PCDHGA5: variants seen among roughly 807,000 people sequenced by gnomAD.
The protein encoded by PCDHGA5 is protocadherin gamma-A5.
Under a neutral mutation model 56.7 loss-of-function variants are expected in PCDHGA5, and 36 were observed. The observed-to-expected ratio is 0.64, with a 90% CI of 0.49 to 0.84. PCDHGA5 has a LOEUF of 0.84. Among genes scored for constraint, PCDHGA5 ranks in the 40% least tolerant of loss-of-function variants. PCDHGA5 has a pLI of 0.00. For synonymous variants in PCDHGA5, 563 were observed against 520.2 expected (o/e 1.08, Z -1.12); for missense variants, 1,305 against 1,201.5 (o/e 1.09, Z -1.27).
At chr5:141,412,815 A>G (rs2095578958) in intron 1 of PCDHGA5, among the ~76,000 whole-genome samples, 1 of 152,328 alleles carries the variant, frequency 6.6e-6, no homozygotes, top group Non-Finnish European at 1.5e-5. Flanking sequence ...AGAAACCTAC[A>G]TATAGTAAAT....
chr5:141,418,740 T>C, intron 1 of PCDHGA5: 1 of 1,613,972 alleles, frequency 6.2e-7, no homozygotes, highest in Admixed American at 1.7e-5. Context: ...GTGTTCTCTC[T>C]GGATTACACT....
Position 141,364,714 on chromosome 5 carries a change from T to C in PCDHGA5, c.384T>C (p.Asp128=). The part of the protein sequence containing the change: ...GVEVEIIDIN[D]NFPRFRDEEL... Reference sequence around the variant, plus strand: ...AAGTAGAAATAATCGATATTAATGATAACTTCCCGCGTTTCCGGGATGAAG... The same window carrying C: ...AAGTAGAAATAATCGATATTAATGACAACTTCCCGCGTTTCCGGGATGAAG... The change falls in exon 1 of 4, where the codon GAT becomes GAC. Residue 128 remains aspartate (D), a synonymous_variant. Transcript: ENST00000518069. 1 of 1,613,970 alleles carries C rather than the reference T, an allele frequency of 6.2e-7. No individual in the cohort carries two copies. The highest frequency in any genetic ancestry group is 1.1e-5 in the South Asian group (1 of 91,092).
At chr5:141,382,300 A>C (rs1428266380) in intron 1 of PCDHGA5, among the ~76,000 whole-genome samples, 1 of 152,240 alleles carries the variant, frequency 6.6e-6, no homozygotes, top group Non-Finnish European at 1.5e-5. Flanking sequence ...AATTAATTAA[A>C]ATTTATATAC....
intron 1 of PCDHGA5, chr5:141,375,053 G>T: frequency 1.2e-6 from 2 of 1,614,046 alleles, no homozygotes; most frequent in South Asian, 2.2e-5. Context: ...AGCCCGGGAT[G>T]GGCCAGGTCT....
chr5:141,490,033 A>C lies in PCDHGA5; in HGVS notation c.2422-4774A>C, dbSNP rs200482631. The C allele has an allele frequency of 4.0e-5, 65 of 1,614,116 alleles. No homozygotes were observed. Among genetic ancestry groups the C allele is most frequent in the Non-Finnish European group, 4.1e-5 (48 of 1,180,040 alleles). On this transcript the variant is annotated intron_variant, in intron 1 of 3. Transcript: ENST00000518069. This position sits in a 1 kb window ranked among gnomAD's most constrained non-coding sequence, Gnocchi z 5.4. ...CATTGGTACTCTGCTGCTCCGCCTC[A>C]ATGCCACTGATCCAGACGAGGGCAC...
At chr5:141,372,213 C>A (rs999187008) in intron 1 of PCDHGA5, 1 of 1,613,592 alleles carries the variant, frequency 6.2e-7, no homozygotes, top group Non-Finnish European at 8.5e-7. Flanking sequence ...GCTGTCCTAC[C>A]ACATTGTGCA....
chr5:141,496,126 C>T (rs934132550), intron 2 of PCDHGA5, among the ~76,000 whole-genome samples: 2 of 152,062 alleles, frequency 1.3e-5, no homozygotes, highest in African/African-American at 4.8e-5. Context: ...CCCTGCCCCT[C>T]ACACACTGAG....
At position 141,431,280 on chromosome 5, in the gene PCDHGA5, C is replaced by G; in HGVS notation, c.2422-63527C>G. ...TCTCTGCAGAGCTACGAGCTCAGCC[C>G]GAACACTCACTTCTCCCTCATCGTG... On this transcript the variant is annotated intron_variant, in intron 1 of 3. Transcript: ENST00000518069. This position sits in a 1 kb window ranked among gnomAD's most constrained non-coding sequence, Gnocchi z 4.8. The G allele has an allele frequency of 6.2e-7, 1 of 1,614,146 alleles. No homozygotes were observed. The highest frequency in any genetic ancestry group is 8.5e-7 in the Non-Finnish European group (1 of 1,180,040).
At chr5:141,449,000 T>G (rs1424736421) in intron 1 of PCDHGA5, among the ~76,000 whole-genome samples, 1 of 151,774 alleles carries the variant, frequency 6.6e-6, no homozygotes, top group African/African-American at 2.4e-5. Context: ...TAGAAAGCTG[T>G]TTTTTTTAAC....
chr5:141,374,208 G>T (rs777295061), intron 1 of PCDHGA5: 11 of 1,613,952 alleles, frequency 6.8e-6, no homozygotes, highest in South Asian at 3.3e-5. Flanking sequence ...CTGGAGAAAG[G>T]CTCCTTCGTA....
At chr5:141,458,513 G>GT (rs537551567) in intron 1 of PCDHGA5, among the ~76,000 whole-genome samples, 9,886 of 146,106 alleles carry the variant, frequency 0.068, 671 homozygotes, top group African/African-American at 0.18. Flanking sequence ...TTGACACTTT[G>GT]TTTTTTTTTT....
Position 141,432,244 on chromosome 5 carries a change from C to T in PCDHGA5, c.2422-62563C>T. 1 of 1,614,262 alleles carries T rather than the reference C, an allele frequency of 6.2e-7. No homozygotes were observed. Among genetic ancestry groups the T allele is most frequent in the Non-Finnish European group, 8.5e-7 (1 of 1,180,048 alleles). On this transcript the variant is annotated intron_variant, in intron 1 of 3. Coordinates refer to ENST00000518069, the MANE Select transcript of PCDHGA5 (RefSeq NM_018918.3). The surrounding 1 kb of genome is among the most constrained non-coding windows in gnomAD (Gnocchi z 6.0). ...TCACTTATTCCCTGGCTGAGAACAC[C>T]ATCCAAGGGGCAAGCCTATCGTCCT...
intron 1 of PCDHGA5, among the ~76,000 whole-genome samples, chr5:141,461,345 G>A (rs1277222105): frequency 1.3e-5 from 2 of 152,102 alleles, no homozygotes; most frequent in African/African-American, 4.8e-5. Context: ...CAGGACCAAG[G>A]TGGTAGCTCG....
rs532318617 is a variant in PCDHGA5, at chr5:141,384,539, C to T, written c.2421+17788C>T. On this transcript the variant is annotated intron_variant, in intron 1 of 3. Coordinates refer to ENST00000518069, the MANE Select transcript of PCDHGA5 (RefSeq NM_018918.3). ...GACCCGCCTCTCAGCAGCAACATGT[C>T]ACTGAGCCTGTTCGTGCTGGACCAG... 44 of 1,614,240 alleles carry T rather than the reference C, an allele frequency of 2.7e-5. No homozygotes were observed. The South Asian group carries it at 4.1e-4, about 15-fold the overall frequency.
chr5:141,482,891 G>A (rs1594277958), intron 1 of PCDHGA5, among the ~76,000 whole-genome samples: 2 of 152,168 alleles, frequency 1.3e-5, no homozygotes, highest in East Asian at 3.8e-4. Flanking sequence ...GGCCAACATG[G>A]TGAAACCTCA....
intron 1 of PCDHGA5, chr5:141,428,358 G>C: frequency 1.8e-6 from 1 of 565,492 alleles, no homozygotes; most frequent in South Asian, 1.9e-5. Context: ...TGATTTTGGC[G>C]GTCGCCTTGC....
At chr5:141,428,041 TG>T (rs1260865435) in intron 1 of PCDHGA5, 1 of 1,608,448 alleles carries the variant, frequency 6.2e-7, no homozygotes, top group African/African-American at 1.3e-5. Flanking sequence ...GGCTACCTGG[TG>T]ACCAAGGTGG....
At chr5:141,468,140 C>T (rs910524133) in intron 1 of PCDHGA5, among the ~76,000 whole-genome samples, 3 of 151,942 alleles carry the variant, frequency 2.0e-5, no homozygotes, top group African/African-American at 7.2e-5. Flanking sequence ...GCCTGGCCAA[C>T]ATGGTGAAAC....
intron 1 of PCDHGA5, chr5:141,408,609 A>G (rs765291231): frequency 1.2e-5 from 19 of 1,613,970 alleles, no homozygotes; most frequent in Non-Finnish European, 3.4e-6. Flanking sequence ...TTTGATAAAA[A>G]GGAAATACAT....
Sources: gnomAD v4.1 joint callset for allele counts (sites outside exome capture counted in the v4.1 genomes callset) on GRCh38, gnomAD v4.1.1 for gene constraint, Gnocchi (gnomAD v3.1) non-coding constraint, MANE v1.5 for transcripts, NCBI Gene and HGNC (gene_info 2026-07-23, HGNC 2026-07-21) for gene names.